The following GPAT4 variants were observed in gnomAD, a reference collection of about 807,000 sequenced individuals.
GPAT4 encodes the protein 1-AGP acyltransferase 6.
In GPAT4, 17 loss-of-function variants were observed where a neutral mutation model predicts 58.0. That is an observed-to-expected ratio of 0.29 (90% CI 0.20 to 0.44). The LOEUF (loss-of-function observed/expected upper bound fraction) is 0.44. GPAT4 is among the 20% of genes least tolerant of loss of function. GPAT4 has a pLI of 1.00. For missense variants in GPAT4, 377 were observed against 574.5 expected, an observed-to-expected ratio of 0.66 and a Z score of 3.51; for synonymous variants, 204 against 210.1, an observed-to-expected ratio of 0.97 and a Z score of 0.25.
intron 2 of GPAT4, among the ~76,000 whole-genome samples, chr8:41,604,648 A>G (rs1363199072): frequency 6.6e-6 from 1 of 152,198 alleles, no homozygotes; most frequent in Non-Finnish European, 1.5e-5. Context: ...GATGAGAACA[A>G]ATGATGTGAA....
At chr8:41,594,267 C>T (rs1268039690) in intron 1 of GPAT4, among the ~76,000 whole-genome samples, 2 of 152,136 alleles carry the variant, frequency 1.3e-5, no homozygotes, top group South Asian at 2.1e-4. Context: ...TTACAATTAA[C>T]GTTTTAAAAC....
At chr8:41,585,214 G>T (rs2150480908) in intron 1 of GPAT4, among the ~76,000 whole-genome samples, 4 of 152,288 alleles carry the variant, frequency 2.6e-5, no homozygotes, top group Admixed American at 2.6e-4. Context: ...TACAGTTGGG[G>T]CATTTGGTGG....
intron 4 of GPAT4, 176 bp from the exon 5 acceptor site, chr8:41,610,560 A>G (rs1408601736): frequency 3.7e-5 from 56 of 1,502,578 alleles, no homozygotes; most frequent in Non-Finnish European, 4.7e-5. Context: ...CTGGAATCAA[A>G]AGGATCTCTG....
chr8:41,616,052 C>T (rs1051328579), intron 10 of GPAT4, among the ~76,000 whole-genome samples: 1 of 152,208 alleles, frequency 6.6e-6, no homozygotes. Context: ...TGTCTGGAAA[C>T]AGCAGGAAAG....
chr8:41,617,674 G>T lies in GPAT4; in HGVS notation c.1054-1010G>T, dbSNP rs79043563. 6.4e-3 allele frequency among the ~76,000 whole-genome samples: 981 copies of T among 152,340 alleles called. 9 individuals carry two copies. Among genetic ancestry groups the T allele is most frequent in the African/African-American group, 0.023 (944 of 41,572 alleles). ...TAGCCCATCCCACATGCAGGACCCT[G>T]CCCTGGGCTCCTTCTCAGGCTTTCC... On this transcript the variant is annotated intron_variant, in intron 10 of 12. Transcript: ENST00000396987.
chr8:41,597,421 T>C (rs1218147951), intron 1 of GPAT4, among the ~76,000 whole-genome samples: 1 of 152,222 alleles, frequency 6.6e-6, no homozygotes, highest in Non-Finnish European at 1.5e-5. Context: ...TGTGAGATAT[T>C]TGAAATAGTG....
chr8:41,602,726 A>G (rs1250936921), intron 2 of GPAT4, among the ~76,000 whole-genome samples: 3 of 152,174 alleles, frequency 2.0e-5, no homozygotes, highest in African/African-American at 7.2e-5. Context: ...GTCTTAGTCT[A>G]TTTAGGCTGC....
chr8:41,623,979 A>C lies in GPAT4; in HGVS notation c.*2978A>C, dbSNP rs1308628514. The C allele has an allele frequency of 6.6e-6, 1 of 152,228 alleles. No individual in the cohort carries two copies. The highest frequency in any genetic ancestry group is 1.9e-4 in the East Asian group (1 of 5,188). 9.4% of individuals were successfully genotyped at this position (152,228 alleles called of 1,614,324 possible). Reference sequence around the variant, plus strand: ...TCAGCCTCCAAGTAGCTGAGATTACAGGCATGCACCACCACACCCAGCTAA... The same window carrying C: ...TCAGCCTCCAAGTAGCTGAGATTACCGGCATGCACCACCACACCCAGCTAA... On this transcript the variant is annotated 3_prime_UTR_variant, in exon 13 of 13. Transcript: ENST00000396987.
Position 41,598,933 on chromosome 8 carries a change from G to T in GPAT4, c.-207G>T. 2.0e-5 allele frequency: 12 copies of T among 610,532 alleles called. No individual in the cohort carries two copies. Among genetic ancestry groups the T allele is most frequent in the East Asian group, 5.8e-5 (2 of 34,748 alleles). 37.8% of individuals were successfully genotyped at this position (610,532 alleles called of 1,614,324 possible). On this transcript the variant is annotated 5_prime_UTR_variant, in exon 2 of 13. Transcript: ENST00000396987. ...TCCATTCTGGAGAGACCTGGCGTTTGCAGTTGCCTCCTGTGGCCGTGTTTT... is the reference window on the plus strand; with the variant it reads ...TCCATTCTGGAGAGACCTGGCGTTTTCAGTTGCCTCCTGTGGCCGTGTTTT...
intron 1 of GPAT4, among the ~76,000 whole-genome samples, chr8:41,580,716 A>G (rs1246272547): frequency 1.3e-5 from 2 of 152,180 alleles, no homozygotes; most frequent in African/African-American, 4.8e-5. Flanking sequence ...CCTAAATACA[A>G]TAGTTGTTAT....
chr8:41,610,700 T>C lies in GPAT4; in HGVS notation c.537-36T>C, dbSNP rs1171382728. On this transcript the variant is annotated intron_variant, in intron 4 of 12. Transcript: ENST00000396987. ...TCAGTTCTGTACTTGGTAGAATGAT[T>C]TGCTGGCTGTGCTCTAACTTTTCTT... 3.8e-6 allele frequency: 6 copies of C among 1,595,182 alleles called. No homozygotes were observed. In the South Asian group the frequency reaches 6.8e-5, roughly 18 times the overall value.
intron 8 of GPAT4, among the ~76,000 whole-genome samples, chr8:41,613,424 G>C (rs1172876081): frequency 2.0e-5 from 3 of 151,750 alleles, no homozygotes; most frequent in Non-Finnish European, 4.4e-5. Flanking sequence ...TATTTACCAA[G>C]TTAATAATGT....
At chr8:41,579,586 C>T (rs955206736) in intron 1 of GPAT4, among the ~76,000 whole-genome samples, 2 of 152,170 alleles carry the variant, frequency 1.3e-5, no homozygotes, top group Non-Finnish European at 2.9e-5. Flanking sequence ...GCCGGTAATC[C>T]CAGCACTTTG....
intron 1 of GPAT4, among the ~76,000 whole-genome samples, chr8:41,597,075 T>TA (rs1313410402): frequency 2.0e-5 from 3 of 152,126 alleles, no homozygotes; most frequent in African/African-American, 7.2e-5. Flanking sequence ...CACAAAAAGT[T>TA]AGGTCAGGGG....
At chr8:41,586,881 G>A (rs1362053332) in intron 1 of GPAT4, among the ~76,000 whole-genome samples, 1 of 152,186 alleles carries the variant, frequency 6.6e-6, no homozygotes, top group Non-Finnish European at 1.5e-5. Context: ...CATCAGAATC[G>A]CTCGAGTGTG....
At chr8:41,597,656 AAAT>A (rs1386636364) in intron 1 of GPAT4, among the ~76,000 whole-genome samples, 1 of 152,222 alleles carries the variant, frequency 6.6e-6, no homozygotes, top group East Asian at 1.9e-4. Context: ...AAAAAAGTAA[AAAT>A]ATCAGTGTTT....
At chr8:41,589,829 G>A (rs1802744856) in intron 1 of GPAT4, among the ~76,000 whole-genome samples, 1 of 152,178 alleles carries the variant, frequency 6.6e-6, no homozygotes, top group Non-Finnish European at 1.5e-5. Context: ...CTGGCCAGTA[G>A]GACAGAGGCC....
At chr8:41,602,943 T>C (rs1313406108) in intron 2 of GPAT4, among the ~76,000 whole-genome samples, 1 of 152,120 alleles carries the variant, frequency 6.6e-6, no homozygotes, top group Non-Finnish European at 1.5e-5. Flanking sequence ...GGGATATTAC[T>C]AGTGCTATTC....
chr8:41,619,817 A>T (rs1803696833), intron 12 of GPAT4, among the ~76,000 whole-genome samples: 2 of 152,214 alleles, frequency 1.3e-5, no homozygotes, highest in Admixed American at 1.3e-4. Flanking sequence ...CAGGGAATAG[A>T]TTGGCTCTCA....
Sources: gnomAD v4.1 joint callset for allele counts (sites outside exome capture counted in the v4.1 genomes callset) on GRCh38, gnomAD v4.1.1 for gene constraint, MANE v1.5 for transcripts, NCBI Gene and HGNC (gene_info 2026-07-23, HGNC 2026-07-21) for gene names.